Variants in INTS6 observed in about 807,000 individuals in gnomAD.
The protein encoded by INTS6 is integrator complex subunit 6.
In INTS6, 16 loss-of-function variants were observed where a neutral mutation model predicts 104.9. The ratio of observed to expected loss-of-function variants is 0.15; its 90% CI spans 0.10 to 0.23. INTS6 has a LOEUF of 0.23. Ranked by LOEUF, INTS6 falls within the 10% of genes least tolerant of loss-of-function variation. The pLI, the probability that INTS6 is intolerant of heterozygous loss-of-function variation, is 1.00. For missense variants in INTS6, 584 were observed against 1,062.8 expected (o/e 0.55, Z 6.26); for synonymous variants, 324 against 358.7 (o/e 0.90, Z 1.09).
chr13:51,351,987 T>A (rs1182484297), downstream of INTS6, among the ~76,000 whole-genome samples: 2 of 152,166 alleles, frequency 1.3e-5, no homozygotes, highest in Non-Finnish European at 2.9e-5. Flanking sequence ...AATTCTATCC[T>A]ATAGGCATAG....
intron 3 of INTS6, chr13:51,436,652 T>C (rs1177317135): frequency 1.3e-5 from 2 of 152,110 alleles, no homozygotes; most frequent in Non-Finnish European, 2.9e-5. Context: ...ATCACTAAAG[T>C]TTGACTTTGT....
intron 4 of INTS6, among the ~76,000 whole-genome samples, chr13:51,404,095 C>G (rs1426670555): frequency 2.2e-5 from 3 of 134,494 alleles, no homozygotes; most frequent in Non-Finnish European, 3.3e-5. Flanking sequence ...CACACACACA[C>G]ACACACACAG....
chr13:51,405,256 A>G (rs887407940), intron 4 of INTS6, among the ~76,000 whole-genome samples: 7 of 152,170 alleles, frequency 4.6e-5, no homozygotes, highest in African/African-American at 1.7e-4. Context: ...GAGGAGAGAA[A>G]GATTTTTAAG....
intron 10 of INTS6, among the ~76,000 whole-genome samples, chr13:51,381,061 T>C (rs1287529540): frequency 6.6e-6 from 1 of 152,220 alleles, no homozygotes; most frequent in Non-Finnish European, 1.5e-5. Context: ...GACTCTTTTT[T>C]CCTTGACATT....
At chr13:51,418,646 A>G (rs1222781237) in intron 4 of INTS6, among the ~76,000 whole-genome samples, 1 of 152,182 alleles carries the variant, frequency 6.6e-6, no homozygotes, top group Non-Finnish European at 1.5e-5. Context: ...TCCAATGTAC[A>G]TCCAAAAGGA....
intron 4 of INTS6, among the ~76,000 whole-genome samples, chr13:51,401,876 T>C (rs973843120): frequency 1.3e-5 from 2 of 151,978 alleles, no homozygotes; most frequent in Non-Finnish European, 2.9e-5. Flanking sequence ...TTTTAAAAAA[T>C]CAAATGTTGA....
At chr13:51,433,937 G>T (rs1957141580) in intron 3 of INTS6, among the ~76,000 whole-genome samples, 1 of 152,182 alleles carries the variant, frequency 6.6e-6, no homozygotes, top group African/African-American at 2.4e-5. Context: ...TATTCAGGGA[G>T]ATTAAATGAT....
rs773748625 is a variant in INTS6, at chr13:51,378,290, T to C, written c.1551A>G (p.Leu517=). 4.1e-5 allele frequency: 66 copies of C among 1,613,376 alleles called. No homozygotes were observed. The highest frequency in any genetic ancestry group is 5.2e-5 in the Non-Finnish European group (61 of 1,179,506). ...GISEDVPHRL[L]DLNMKEYTGF... is the part of the protein sequence containing the mutation. ...CAGTGTATTCCTTCATATTAAGGTC[T>C]AGCAGTCTGTGAGGGACATCCTCTG... Residue 517 remains leucine (L), a synonymous_variant, in exon 12 of 18, where the codon CTA becomes CTG. Coordinates refer to ENST00000311234, the MANE Select transcript of INTS6 (RefSeq NM_012141.3).
rs932555231 is a variant in INTS6, at chr13:51,370,730, G to A, written c.2105-1420C>T. Among the ~76,000 whole-genome samples the A allele has an allele frequency of 5.3e-5, 8 of 152,024 alleles. No homozygotes were observed. In the East Asian group the frequency reaches 1.4e-3, roughly 26 times the overall value. On this transcript the variant is annotated intron_variant, in intron 15 of 17. Transcript: ENST00000311234. ...TTGCAAAAAGTATACAGTTTATATC[G>A]TATTTTCACTTAGCACTCTTCCCCC...
Position 51,450,949 on chromosome 13 carries a change from T to C in INTS6, c.339+76A>G, listed in dbSNP as rs909437044. On this transcript the variant is annotated intron_variant, in intron 3 of 17. Coordinates refer to ENST00000311234, the MANE Select transcript of INTS6 (RefSeq NM_012141.3). ...TGTTTTATACTTGCATTTCATGTTA[T>C]GTAGTTTTTGGACTGGACTGTGTTT... The C allele has an allele frequency of 1.0e-5, 14 of 1,394,994 alleles. No individual in the cohort carries two copies. The Admixed American group carries it at 2.8e-4, about 28-fold the overall frequency. The allele number at this position is 1,394,994 out of a possible 1,614,324, so 86.4% of individuals were successfully genotyped here. A position where few individuals can be genotyped will look rare whatever the true frequency, so the allele number is the denominator to read the frequency against.
At chr13:51,341,471 A>G in the INTS6 span, 1 of 957,932 alleles carries the variant, frequency 1.0e-6, no homozygotes, top group Non-Finnish European at 1.5e-6. Flanking sequence ...TCATACTCAC[A>G]CTCACTCTCT....
intron 17 of INTS6, among the ~76,000 whole-genome samples, chr13:51,367,387 TA>T (rs1050909632): frequency 5.3e-5 from 8 of 152,008 alleles, no homozygotes; most frequent in African/African-American, 1.9e-4. Context: ...ACAATCAGAA[TA>T]AGGCCCATTT....
the INTS6 span, chr13:51,347,346 G>A: frequency 6.6e-6 from 6 of 910,292 alleles, no homozygotes; most frequent in African/African-American, 9.9e-5. Context: ...TTTCCGCAGG[G>A]TCCATCTGCT....
At chr13:51,431,620 A>C (rs1957091864) in intron 3 of INTS6, among the ~76,000 whole-genome samples, 1 of 152,174 alleles carries the variant, frequency 6.6e-6, no homozygotes, top group Non-Finnish European at 1.5e-5. Flanking sequence ...TAGTTATATG[A>C]TTATAACCTA....
chr13:51,407,428 C>T (rs1956589277), intron 4 of INTS6, among the ~76,000 whole-genome samples: 1 of 152,220 alleles, frequency 6.6e-6, no homozygotes, highest in South Asian at 2.1e-4. Flanking sequence ...TTGCAACCTG[C>T]AGGACAGACT....
chr13:51,451,388 T>G, intron 2 of INTS6: 1 of 347,448 alleles, frequency 2.9e-6, no homozygotes, highest in African/African-American at 2.1e-5. Context: ...TTAACTGCCT[T>G]AATACTTTAT....
At chr13:51,418,961 G>T (rs1956846156) in intron 4 of INTS6, among the ~76,000 whole-genome samples, 1 of 152,126 alleles carries the variant, frequency 6.6e-6, no homozygotes, top group South Asian at 2.1e-4. Context: ...TTTGCAGTCA[G>T]TCTCCCAAAC....
At chr13:51,429,788 ATATATAT>A (rs1957057880) in intron 4 of INTS6, among the ~76,000 whole-genome samples, 1 of 91,928 alleles carries the variant, frequency 1.1e-5, no homozygotes, top group African/African-American at 4.8e-5. Context: ...AAAAAAAAAT[ATATATAT>A]ATATATATAT....
Position 51,382,852 on chromosome 13 carries a change from G to A in INTS6, c.1180+477C>T, listed in dbSNP as rs545019883. ...AGCACTTTGGGAGGCCAAGGCGGGC[G>A]GATCACCTGAGATCAGGAGTTCAAG... On this transcript the variant is annotated intron_variant, in intron 9 of 17. Coordinates refer to ENST00000311234, the MANE Select transcript of INTS6 (RefSeq NM_012141.3). 7.9e-5 allele frequency among the ~76,000 whole-genome samples: 12 copies of A among 152,308 alleles called. No individual in the cohort carries two copies. In the East Asian group the frequency reaches 1.2e-3, roughly 15 times the overall value.
Sources: gnomAD v4.1 joint callset for allele counts (sites outside exome capture counted in the v4.1 genomes callset) on GRCh38, gnomAD v4.1.1 for gene constraint, MANE v1.5 for transcripts, NCBI Gene and HGNC (gene_info 2026-07-23, HGNC 2026-07-21) for gene names.